BICC1: variants seen among roughly 807,000 people sequenced by gnomAD.
The protein encoded by BICC1 is protein bicaudal C homolog 1.
Under a neutral mutation model 111.0 loss-of-function variants are expected in BICC1, and 43 were observed. The ratio of observed to expected loss-of-function variants is 0.39; its 90% CI spans 0.30 to 0.50. The LOEUF (loss-of-function observed/expected upper bound fraction) is 0.50. Among genes scored for constraint, BICC1 ranks in the 20% least tolerant of loss-of-function variants. BICC1 has a pLI of 0.88. For missense variants in BICC1, 1,091 were observed against 1,203.2 expected (o/e 0.91, Z 1.38); for synonymous variants, 467 against 434.4 (o/e 1.07, Z -0.93).
chr10:58,820,685 A>T (rs1485422057), intron 20 of BICC1, among the ~76,000 whole-genome samples: 1 of 152,246 alleles, frequency 6.6e-6, no homozygotes, highest in East Asian at 1.9e-4. Flanking sequence ...CAAGGGTCAT[A>T]TATGAAAATA....
chr10:58,588,917 C>T (rs1392387032), intron 1 of BICC1, among the ~76,000 whole-genome samples: 2 of 152,110 alleles, frequency 1.3e-5, no homozygotes, highest in Non-Finnish European at 1.5e-5. Context: ...GTAGAGTGAC[C>T]AGCTGTCTCC....
chr10:58,537,697 T>C (rs1041580767), intron 1 of BICC1, among the ~76,000 whole-genome samples: 1 of 151,782 alleles, frequency 6.6e-6, no homozygotes, highest in Non-Finnish European at 1.5e-5. Flanking sequence ...AACTTATGTC[T>C]ATTTGCTGAT....
intron 2 of BICC1, among the ~76,000 whole-genome samples, chr10:58,678,794 C>G (rs1156737739): frequency 6.6e-6 from 1 of 152,190 alleles, no homozygotes; most frequent in Non-Finnish European, 1.5e-5. Flanking sequence ...AAGTAAAACA[C>G]TCCTCAGCAA....
At chr10:58,785,932 T>G (rs951668615) in intron 4 of BICC1, among the ~76,000 whole-genome samples, 14 of 152,198 alleles carry the variant, frequency 9.2e-5, no homozygotes, top group Non-Finnish European at 2.1e-4. Context: ...TTTGTTGGTT[T>G]TCTTCGTTTT....
At chr10:58,812,862 T>G (rs1225924727) in intron 17 of BICC1, among the ~76,000 whole-genome samples, 1 of 152,240 alleles carries the variant, frequency 6.6e-6, no homozygotes, top group Admixed American at 6.5e-5. Flanking sequence ...TGAAAGGACT[T>G]GAGATTACTT....
intron 3 of BICC1, among the ~76,000 whole-genome samples, chr10:58,784,516 T>C (rs1163199526): frequency 3.9e-5 from 6 of 152,180 alleles, no homozygotes; most frequent in African/African-American, 1.2e-4. Flanking sequence ...TGGATTATAA[T>C]GTCCAAGCTT....
At chr10:58,581,749 C>G (rs1214546910) in intron 1 of BICC1, among the ~76,000 whole-genome samples, 1 of 151,970 alleles carries the variant, frequency 6.6e-6, no homozygotes, top group Non-Finnish European at 1.5e-5. Flanking sequence ...TAAGGGGACC[C>G]CCTCCCTCCA....
intron 2 of BICC1, among the ~76,000 whole-genome samples, chr10:58,697,242 G>T (rs1263845303): frequency 6.6e-6 from 1 of 152,174 alleles, no homozygotes; most frequent in Non-Finnish European, 1.5e-5. Flanking sequence ...TTTCTTGTCA[G>T]ATTTTTTGGG....
At chr10:58,561,939 A>G (rs889159677) in intron 1 of BICC1, among the ~76,000 whole-genome samples, 1 of 152,112 alleles carries the variant, frequency 6.6e-6, no homozygotes, top group African/African-American at 2.4e-5. Context: ...TTTTGAATAT[A>G]TAATACCATT....
At chr10:58,806,147 C>T (rs1167413141) in intron 15 of BICC1, among the ~76,000 whole-genome samples, 5 of 152,138 alleles carry the variant, frequency 3.3e-5, no homozygotes, top group African/African-American at 1.2e-4. Flanking sequence ...TCAGGCCACG[C>T]TTACCTAAAT....
chr10:58,668,833 A>C (rs1839096481), intron 2 of BICC1, among the ~76,000 whole-genome samples: 1 of 152,050 alleles, frequency 6.6e-6, no homozygotes, highest in South Asian at 2.1e-4. Flanking sequence ...CCTTGAGCTC[A>C]CTTAGCTTTT....
At chr10:58,618,541 A>G (rs1845694853) in intron 1 of BICC1, among the ~76,000 whole-genome samples, 1 of 152,166 alleles carries the variant, frequency 6.6e-6, no homozygotes, top group Admixed American at 6.5e-5. Context: ...AAGAGAGAGA[A>G]TAAAGCCATG....
Position 58,541,501 on chromosome 10 carries a change from G to T in BICC1, c.190+28168G>T, listed in dbSNP as rs77167756. On this transcript the variant is annotated intron_variant, in intron 1 of 20. Transcript: ENST00000373886. ...ACTTAGGAATAAACTTTACCAATGA[G>T]GCGAAACACTTCTACACTGAAAACT... 5.5e-3 allele frequency among the ~76,000 whole-genome samples: 831 copies of T among 152,096 alleles called. 4 individuals carry two copies. Among genetic ancestry groups the T allele is most frequent in the African/African-American group, 0.019 (790 of 41,470 alleles).
At chr10:58,736,570 G>C (rs530127412) in intron 3 of BICC1, among the ~76,000 whole-genome samples, 1 of 152,292 alleles carries the variant, frequency 6.6e-6, no homozygotes, top group East Asian at 1.9e-4. Flanking sequence ...CTCATTTCAT[G>C]AGATTTAAGA....
chr10:58,637,749 A>G (rs906854023), intron 2 of BICC1, among the ~76,000 whole-genome samples: 2 of 152,226 alleles, frequency 1.3e-5, no homozygotes, highest in Non-Finnish European at 2.9e-5. Flanking sequence ...AAACATGATA[A>G]CATAGTAGAT....
chr10:58,586,766 G>A (rs1844444894), intron 1 of BICC1, among the ~76,000 whole-genome samples: 1 of 152,128 alleles, frequency 6.6e-6, no homozygotes, highest in Non-Finnish European at 1.5e-5. Flanking sequence ...CAGAAAGCAT[G>A]CAGTTACATT....
At chr10:58,793,640 G>A (rs1168150805) in intron 9 of BICC1, 25 bp downstream of exon 9, 37 of 1,610,984 alleles carry the variant, frequency 2.3e-5, no homozygotes, top group Non-Finnish European at 2.9e-5. Context: ...TGAATCCAGA[G>A]AATTATGTAT....
intron 2 of BICC1, among the ~76,000 whole-genome samples, chr10:58,671,463 T>G (rs1269175313): frequency 6.6e-6 from 1 of 152,122 alleles, no homozygotes; most frequent in East Asian, 1.9e-4. Context: ...ATTGACAAGC[T>G]GAATGATGAG....
At position 58,597,509 on chromosome 10, in the gene BICC1, C is replaced by A. The variant is rs540023758; in HGVS notation, c.191-23346C>A. On this transcript the variant is annotated intron_variant, in intron 1 of 20. Transcript: ENST00000373886. ...GTGGTGCACATATTGTCTTGATAAA[C>A]ATCTTAAACAGCAGAAAACAGAGTT... Among the ~76,000 whole-genome samples the A allele has an allele frequency of 1.9e-4, 29 of 152,210 alleles. No individual in the cohort carries two copies. The South Asian group carries it at 5.8e-3, about 30-fold the overall frequency.
Sources: gnomAD v4.1 joint callset for allele counts (sites outside exome capture counted in the v4.1 genomes callset) on GRCh38, gnomAD v4.1.1 for gene constraint, MANE v1.5 for transcripts, NCBI Gene and HGNC (gene_info 2026-07-23, HGNC 2026-07-21) for gene names.